ODF2: variants seen among roughly 807,000 people sequenced by gnomAD.
The protein encoded by ODF2 is outer dense fiber of sperm tails 2, also known as outer dense fiber protein 2.
In ODF2, 47 loss-of-function variants were observed where a neutral mutation model predicts 110.2. The ratio of observed to expected loss-of-function variants is 0.43; its 90% CI spans 0.34 to 0.54. ODF2 has a LOEUF of 0.54. ODF2 is among the 20% of genes least tolerant of loss of function. The pLI is 0.03. For synonymous variants in ODF2, 352 were observed against 397.7 expected (o/e 0.89, Z 1.37); for missense variants, 812 against 1,054.5 (o/e 0.77, Z 3.19).
At chr9:128,489,401 G>A (rs779988956) in intron 14 of ODF2, among the ~76,000 whole-genome samples, 1 of 152,160 alleles carries the variant, frequency 6.6e-6, no homozygotes, top group African/African-American at 2.4e-5. Flanking sequence ...CTGCACCCTA[G>A]TGACCTTTCT....
chr9:128,488,106 G>A, intron 14 of ODF2, 81 bp downstream of exon 14: 1 of 1,530,722 alleles, frequency 6.5e-7, no homozygotes, highest in Non-Finnish European at 9.0e-7. Context: ...GTGGGCCTGG[G>A]GGCATCTTGA....
At chr9:128,497,446 A>AAAAAAATATAT (rs1554857542) in intron 18 of ODF2, 1 of 42,598 alleles carries the variant, frequency 2.3e-5, no homozygotes, top group African/African-American at 1.5e-4. Flanking sequence ...AAAAAAAAAA[A>AAAAAAATATAT]ATATATATAT....
intron 8 of ODF2, among the ~76,000 whole-genome samples, chr9:128,479,568 T>A (rs1184922769): frequency 6.6e-6 from 1 of 152,192 alleles, no homozygotes; most frequent in Non-Finnish European, 1.5e-5. Flanking sequence ...GCAGGCATTT[T>A]GCAGGGCATT....
chr9:128,476,835 C>T (rs1423003565), intron 8 of ODF2, among the ~76,000 whole-genome samples: 2 of 151,602 alleles, frequency 1.3e-5, no homozygotes, highest in Non-Finnish European at 2.9e-5. Flanking sequence ...GATGAGGTTT[C>T]ACTGTGTTGC....
At chr9:128,473,182 C>T in intron 7 of ODF2, 140 bp downstream of exon 7, 1 of 1,464,118 alleles carries the variant, frequency 6.8e-7, no homozygotes, top group East Asian at 2.5e-5. Context: ...AACTAGGCCC[C>T]CACCCACCAC....
intron 2 of ODF2, among the ~76,000 whole-genome samples, chr9:128,458,634 G>A (rs1835598885): frequency 6.8e-6 from 1 of 147,426 alleles, no homozygotes; most frequent in Non-Finnish European, 1.5e-5. Flanking sequence ...TGATGGAGCT[G>A]TACAGTATAT....
intron 13 of ODF2, among the ~76,000 whole-genome samples, chr9:128,487,583 C>T (rs933036408): frequency 1.3e-5 from 2 of 151,978 alleles, no homozygotes; most frequent in Admixed American, 6.6e-5. Flanking sequence ...GTCAGGAGAT[C>T]GAGACCATCC....
At position 128,481,126 on chromosome 9, in the gene ODF2, A is replaced by T. The variant is rs186737384; in HGVS notation, c.844-454A>T. ...CAGGAGGAACTGTAGCTTTATTAGC[A>T]TTCACTATTTTATAGTGAGAATATA... On this transcript the variant is annotated intron_variant, in intron 8 of 20. Transcript: ENST00000604420. 8.5e-5 allele frequency among the ~76,000 whole-genome samples: 13 copies of T among 152,280 alleles called. No individual in the cohort carries two copies. The East Asian group carries it at 2.5e-3, about 29-fold the overall frequency.
At chr9:128,498,498 C>T (rs1260357637) in exon 19 of ODF2, 4 of 1,613,314 alleles carry the variant, frequency 2.5e-6, no homozygotes, top group East Asian at 2.2e-5. Context: ...GTCCCAGCTG[C>T]GGCTGGAGGA....
rs1312493402 is a variant in ODF2, at chr9:128,485,322, C to T, written c.1291-43C>T. 1 of 1,085,844 alleles carries T rather than the reference C, an allele frequency of 9.2e-7. No homozygotes were observed. Among genetic ancestry groups the T allele is most frequent in the Non-Finnish European group, 1.4e-6 (1 of 712,984 alleles). 67.3% of individuals were successfully genotyped at this position (1,085,844 alleles called of 1,614,324 possible). The stretch of plus-strand genomic sequence containing the variant: ...CGCTCCCAGCTCCTGGCAGCCTCAC[C>T]ACTGACACTAGGCTAACAGGCCCTT... On this transcript the variant is annotated intron_variant, in intron 12 of 20. Coordinates refer to ENST00000604420, the Ensembl canonical transcript of ODF2. This position sits in a 1 kb window ranked among gnomAD's most constrained non-coding sequence, Gnocchi z 5.0.
chr9:128,456,298 A>G, intron 1 of ODF2, 43 bp downstream of exon 1: 1 of 1,504,134 alleles, frequency 6.6e-7, no homozygotes, highest in Non-Finnish European at 8.8e-7. Context: ...CCTCCGGGGC[A>G]CCGCGGGCGA....
chr9:128,464,274 G>C (rs1837286227), intron 4 of ODF2, among the ~76,000 whole-genome samples: 1 of 148,622 alleles, frequency 6.7e-6, no homozygotes, highest in Non-Finnish European at 1.5e-5. Context: ...TTCTGCCTCA[G>C]CCTCCCGAGT....
At chr9:128,487,546 G>A (rs1014519671) in intron 13 of ODF2, among the ~76,000 whole-genome samples, 4 of 152,128 alleles carry the variant, frequency 2.6e-5, no homozygotes, top group African/African-American at 9.7e-5. Flanking sequence ...CCAGCATTTT[G>A]GGAGGCCGAG....
At chr9:128,456,225 G>A (rs1387466834) in exon 1 of ODF2, 2 of 1,546,584 alleles carry the variant, frequency 1.3e-6, no homozygotes, top group Admixed American at 2.0e-5. Flanking sequence ...TTCATAAGGC[G>A]GCGTTTCTGG....
chr9:128,486,367 T>C (rs1163267751), intron 13 of ODF2, among the ~76,000 whole-genome samples: 1 of 152,176 alleles, frequency 6.6e-6, no homozygotes, highest in East Asian at 1.9e-4. Flanking sequence ...GAAGCATACA[T>C]GGTACAGGGG....
rs900332889 is a variant in ODF2, at chr9:128,460,830, A to G, written c.124-112A>G. Reference sequence around the variant, plus strand: ...GGCAGGCCTGTCATCCAGGAGCAACAGCAGTAACATTAGTCAGAAGAGGCA... The same window carrying G: ...GGCAGGCCTGTCATCCAGGAGCAACGGCAGTAACATTAGTCAGAAGAGGCA... On this transcript the variant is annotated intron_variant, in intron 3 of 20. Transcript: ENST00000604420. The G allele has an allele frequency of 6.6e-6, 10 of 1,526,166 alleles. No individual in the cohort carries two copies. The East Asian group carries it at 2.3e-4, about 35-fold the overall frequency. The allele number at this position is 1,526,166 out of a possible 1,614,324, so 94.5% of individuals were successfully genotyped here. A position where few individuals can be genotyped will look rare whatever the true frequency, so the allele number is the denominator to read the frequency against.
chr9:128,460,737 C>T, intron 3 of ODF2, 71 bp downstream of exon 3: 1 of 1,582,418 alleles, frequency 6.3e-7, no homozygotes, highest in South Asian at 1.1e-5. Flanking sequence ...AGCCTCCTCG[C>T]ACTCTGACTC....
intron 1 of ODF2, 168 bp downstream of exon 1, chr9:128,456,423 C>T (rs1834797724): frequency 6.7e-7 from 1 of 1,484,632 alleles, no homozygotes; most frequent in African/African-American, 1.5e-5. Flanking sequence ...CCGCCCCGCC[C>T]ACCGGCGCGG....
At chr9:128,498,235 C>T in intron 18 of ODF2, 178 bp from the exon 19 acceptor site, 1 of 897,008 alleles carries the variant, frequency 1.1e-6, no homozygotes, top group Non-Finnish European at 1.6e-6. Flanking sequence ...GTTGCTCCAG[C>T]TGCACAGTTC....
Sources: allele counts gnomAD v4.1 joint callset (sites outside exome capture counted in the v4.1 genomes callset), GRCh38; gene constraint gnomAD v4.1.1; non-coding constraint Gnocchi (gnomAD v3.1); transcripts MANE v1.5; gene names NCBI Gene and HGNC (gene_info 2026-07-23, HGNC 2026-07-21).